The following PITPNC1 variants were observed in gnomAD, a reference collection of about 807,000 sequenced individuals.
The protein encoded by PITPNC1 is phosphatidylinositol transfer protein cytoplasmic 1.
Under a neutral mutation model 44.7 loss-of-function variants are expected in PITPNC1, and 18 were observed. The observed-to-expected ratio is 0.40, with a 90% CI of 0.28 to 0.60. The LOEUF (loss-of-function observed/expected upper bound fraction) is 0.60, where lower values mean the gene tolerates loss of function less well. PITPNC1 is among the 20% of genes least tolerant of loss of function. PITPNC1 has a pLI of 0.39. For synonymous variants in PITPNC1, 141 were observed against 149.6 expected, an observed-to-expected ratio of 0.94 and a Z score of 0.42; for missense variants, 290 against 418.4, an observed-to-expected ratio of 0.69 and a Z score of 2.68.
intron 1 of PITPNC1, among the ~76,000 whole-genome samples, chr17:67,500,016 T>C (rs1338332786): frequency 6.6e-6 from 1 of 152,282 alleles, no homozygotes; most frequent in Non-Finnish European, 1.5e-5. Context: ...GTTTTAGAAT[T>C]ATCCATCTTC....
At chr17:67,681,047 T>G (rs1380417272) in intron 8 of PITPNC1, among the ~76,000 whole-genome samples, 1 of 152,242 alleles carries the variant, frequency 6.6e-6, no homozygotes, top group Non-Finnish European at 1.5e-5. Context: ...TGTTTGCTGC[T>G]GCAACTGTGT....
intron 1 of PITPNC1, among the ~76,000 whole-genome samples, chr17:67,469,872 A>C (rs1421772457): frequency 6.6e-6 from 1 of 152,108 alleles, no homozygotes; most frequent in African/African-American, 2.4e-5. Context: ...GAGATTTTTT[A>C]AAAATCAGCT....
At chr17:67,407,687 G>A (rs980958375) in intron 1 of PITPNC1, among the ~76,000 whole-genome samples, 1 of 151,844 alleles carries the variant, frequency 6.6e-6, no homozygotes, top group African/African-American at 2.4e-5. Context: ...CTACTTGGGA[G>A]GCTGAGGCAT....
intron 5 of PITPNC1, among the ~76,000 whole-genome samples, chr17:67,621,422 G>T (rs1167801680): frequency 1.3e-5 from 2 of 151,978 alleles, no homozygotes; most frequent in Non-Finnish European, 2.9e-5. Flanking sequence ...TGGCCAGGCT[G>T]GTCTCAAACT....
At chr17:67,506,369 GCTTTGTTTTT>G (rs1360520529) in intron 1 of PITPNC1, among the ~76,000 whole-genome samples, 2 of 152,064 alleles carry the variant, frequency 1.3e-5, no homozygotes, top group African/African-American at 4.8e-5. Flanking sequence ...GTTTAGTTTT[GCTTTGTTTTT>G]CAAATCACTG....
At chr17:67,687,341 G>A (rs1025482483) in intron 8 of PITPNC1, among the ~76,000 whole-genome samples, 1 of 152,118 alleles carries the variant, frequency 6.6e-6, no homozygotes, top group Non-Finnish European at 1.5e-5. Flanking sequence ...TCTAAATTGG[G>A]CAGTGTCACC....
At chr17:67,655,408 A>G (rs930667623) in intron 6 of PITPNC1, among the ~76,000 whole-genome samples, 31 of 151,984 alleles carry the variant, frequency 2.0e-4, no homozygotes, top group Non-Finnish European at 3.8e-4. Context: ...AACACAAAAA[A>G]AATTAGCCAG....
chr17:67,499,134 A>C (rs974342292), intron 1 of PITPNC1, among the ~76,000 whole-genome samples: 3 of 152,264 alleles, frequency 2.0e-5, no homozygotes, highest in Admixed American at 6.5e-5. Flanking sequence ...TCAGCCTCTC[A>C]AAGTGCTGGG....
intron 8 of PITPNC1, among the ~76,000 whole-genome samples, chr17:67,685,709 C>A (rs1397635726): frequency 6.6e-6 from 1 of 152,126 alleles, no homozygotes; most frequent in Non-Finnish European, 1.5e-5. Context: ...TGTAAAATAA[C>A]CAAGGAGCCG....
chr17:67,682,979 G>A (rs547571094), intron 8 of PITPNC1, among the ~76,000 whole-genome samples: 19 of 151,964 alleles, frequency 1.3e-4, no homozygotes, highest in Non-Finnish European at 2.2e-4. Context: ...GGCCAACATG[G>A]TGAAACCCCG....
At chr17:67,448,187 TC>T (rs2039127313) in intron 1 of PITPNC1, among the ~76,000 whole-genome samples, 1 of 152,110 alleles carries the variant, frequency 6.6e-6, no homozygotes, top group South Asian at 2.1e-4. Context: ...CCTCAGGTGA[TC>T]CGCCCGCCTT....
intron 4 of PITPNC1, among the ~76,000 whole-genome samples, chr17:67,555,672 C>CAAAAAAAAAA (rs67935513): frequency 2.8e-4 from 22 of 78,084 alleles, no homozygotes; most frequent in African/African-American, 8.2e-4. Context: ...ACTAAAAATA[C>CAAAAAAAAAA]AAAAAAAAAA....
At position 67,558,712 on chromosome 17, in the gene PITPNC1, C is replaced by T. The variant is rs191371719; in HGVS notation, c.294+5095C>T. 1.2e-3 allele frequency among the ~76,000 whole-genome samples: 176 copies of T among 152,208 alleles called. 1 individual carries two copies. The highest frequency in any genetic ancestry group is 4.2e-3 in the African/African-American group (173 of 41,518). On this transcript the variant is annotated intron_variant, in intron 4 of 8. Transcript: ENST00000581322. ...ACAAAAGAGGAGAAATGGGATGCAC[C>T]TTTGTGTTAGTTAGAATGACAGAAG...
At chr17:67,533,304 C>T (rs1002308512) in intron 2 of PITPNC1, among the ~76,000 whole-genome samples, 2 of 152,140 alleles carry the variant, frequency 1.3e-5, no homozygotes, top group African/African-American at 4.8e-5. Context: ...AAATGAATCT[C>T]CCCCTCCCCA....
At chr17:67,509,540 A>G (rs2040152432) in intron 1 of PITPNC1, among the ~76,000 whole-genome samples, 1 of 149,964 alleles carries the variant, frequency 6.7e-6, no homozygotes, top group African/African-American at 2.5e-5. Flanking sequence ...CCATCTCTAA[A>G]TTAAATTAAA....
chr17:67,692,693 C>T lies in PITPNC1; in HGVS notation c.804C>T (p.Val268=). The T allele has an allele frequency of 6.2e-7, 1 of 1,613,850 alleles. No homozygotes were observed. The highest frequency in any genetic ancestry group is 8.5e-7 in the Non-Finnish European group (1 of 1,179,784). The change falls in exon 9 of 9, where the codon GTC becomes GTT. Residue 268 remains valine, a synonymous_variant. Transcript: ENST00000581322. ...GCATCCCCCTGCTGCCTTCTTCCGT[C>T]CGCAGTGCGCCTTCTAGTGCTCCAT... is the stretch of plus-strand genomic sequence containing the variant. The part of the protein sequence containing the change: ...ISSIPLLPSS[V]RSAPSSAPST...
intron 1 of PITPNC1, among the ~76,000 whole-genome samples, chr17:67,389,797 A>G (rs2038110320): frequency 6.6e-6 from 1 of 151,994 alleles, no homozygotes; most frequent in Non-Finnish European, 1.5e-5. Context: ...CTCCTGCCTC[A>G]GTCTCCCGAG....
At chr17:67,503,094 G>C (rs913233490) in intron 1 of PITPNC1, among the ~76,000 whole-genome samples, 1 of 151,970 alleles carries the variant, frequency 6.6e-6, no homozygotes, top group Non-Finnish European at 1.5e-5. Flanking sequence ...CCTCGCCCAG[G>C]CTCTATTTCT....
Position 67,446,127 on chromosome 17 carries a change from G to C in PITPNC1, c.48+67925G>C, listed in dbSNP as rs1468395367. Among the ~76,000 whole-genome samples the C allele has an allele frequency of 2.6e-5, 4 of 151,296 alleles. No homozygotes were observed. The Admixed American group carries it at 2.6e-4, about 10-fold the overall frequency. On this transcript the variant is annotated intron_variant, in intron 1 of 8. Coordinates refer to ENST00000581322, the MANE Select transcript of PITPNC1 (RefSeq NM_012417.4). ...ATGCCCAGCTAATTTTTGTATTTTT[G>C]GTACAGACGGGGTTTCACCATGTTG...
Sources: allele counts gnomAD v4.1 joint callset (sites outside exome capture counted in the v4.1 genomes callset), GRCh38; gene constraint gnomAD v4.1.1; transcripts MANE v1.5; gene names NCBI Gene and HGNC (gene_info 2026-07-23, HGNC 2026-07-21).